The following CNTNAP5 variants were observed in gnomAD, a reference collection of about 807,000 sequenced individuals.
CNTNAP5 encodes the protein contactin associated protein family member 5.
A neutral mutation model predicts 150.2 loss-of-function variants in CNTNAP5; 72 were observed. The ratio of observed to expected loss-of-function variants is 0.48; its 90% CI spans 0.40 to 0.58. The LOEUF (loss-of-function observed/expected upper bound fraction) is 0.58. Ranked by LOEUF, CNTNAP5 falls within the 20% of genes least tolerant of loss-of-function variation. CNTNAP5 has a pLI of 0.00. For missense variants in CNTNAP5, 1,636 were observed against 1,626.2 expected, an observed-to-expected ratio of 1.01 and a Z score of -0.10; for synonymous variants, 672 against 619.8, an observed-to-expected ratio of 1.08 and a Z score of -1.25.
At chr2:124,419,934 T>TTCTTTCTTTCTTTCTC (rs1553466640) in intron 4 of CNTNAP5, among the ~76,000 whole-genome samples, 1 of 130,066 alleles carries the variant, frequency 7.7e-6, no homozygotes, top group Non-Finnish European at 1.6e-5. Context: ...CTTTCTTTCT[T>TTCTTTCTTTCTTTCTC]TCTTTCTTTC....
rs1381476697 is a variant in CNTNAP5 at position 124,671,710 on chromosome 2, G to C, written c.2077+23752G>C. On this transcript the variant is annotated intron_variant, in intron 13 of 23. Transcript: ENST00000682447. ...GCTGGAGTACAATGGTGCAATCTTG[G>C]CTCACTGCAACTTCTGCCTCCCAGG... 2.0e-5 allele frequency among the ~76,000 whole-genome samples: 3 copies of C among 152,076 alleles called. No homozygotes were observed. The East Asian group carries it at 5.8e-4, about 29-fold the overall frequency.
chr2:124,633,420 T>C (rs941923829), intron 12 of CNTNAP5, among the ~76,000 whole-genome samples: 1 of 152,150 alleles, frequency 6.6e-6, no homozygotes, highest in Admixed American at 6.5e-5. Flanking sequence ...ACCTTAAAGC[T>C]CCAAAATAAT....
intron 10 of CNTNAP5, among the ~76,000 whole-genome samples, chr2:124,557,345 AG>A (rs527315580): frequency 7.5e-4 from 114 of 152,056 alleles, no homozygotes; most frequent in African/African-American, 2.7e-3. Flanking sequence ...AAAACACAAA[AG>A]TGAGGCTCCT....
intron 17 of CNTNAP5, among the ~76,000 whole-genome samples, chr2:124,783,128 A>C (rs981548632): frequency 2.6e-5 from 4 of 152,160 alleles, no homozygotes; most frequent in Non-Finnish European, 5.9e-5. Context: ...ACTGGAGGGA[A>C]GCTTCTGGCG....
chr2:124,662,405 A>G (rs988220353), intron 13 of CNTNAP5, among the ~76,000 whole-genome samples: 2 of 152,170 alleles, frequency 1.3e-5, no homozygotes, highest in Admixed American at 6.5e-5. Flanking sequence ...AATCAGCTCC[A>G]TTATAATCTT....
chr2:124,907,366 A>G (rs552870512), intron 22 of CNTNAP5, among the ~76,000 whole-genome samples: 2 of 152,016 alleles, frequency 1.3e-5, no homozygotes, highest in East Asian at 3.9e-4. Flanking sequence ...TTCTTATGGA[A>G]TGTTAGCTCT....
intron 12 of CNTNAP5, among the ~76,000 whole-genome samples, chr2:124,620,247 G>A (rs541127136): frequency 3.3e-5 from 5 of 152,016 alleles, no homozygotes; most frequent in Admixed American, 6.6e-5. Flanking sequence ...TATCTTTCCC[G>A]TTTTTTTCTT....
intron 1 of CNTNAP5, among the ~76,000 whole-genome samples, chr2:124,178,000 C>G (rs1021514301): frequency 6.6e-6 from 1 of 152,026 alleles, no homozygotes; most frequent in African/African-American, 2.4e-5. Context: ...GCACCCACAA[C>G]CACGCCTAGC....
intron 1 of CNTNAP5, among the ~76,000 whole-genome samples, chr2:124,211,130 G>C (rs1685999503): frequency 6.6e-6 from 1 of 152,032 alleles, no homozygotes; most frequent in Admixed American, 6.6e-5. Context: ...CACAGCTCTT[G>C]GTACAGAATT....
chr2:124,148,118 T>C (rs1183579388), intron 1 of CNTNAP5, among the ~76,000 whole-genome samples: 1 of 152,120 alleles, frequency 6.6e-6, no homozygotes, highest in Non-Finnish European at 1.5e-5. Flanking sequence ...TAAGCTACTT[T>C]ATTATATTTT....
chr2:124,341,890 T>C (rs887143525), intron 3 of CNTNAP5, among the ~76,000 whole-genome samples: 1 of 152,132 alleles, frequency 6.6e-6, no homozygotes, highest in African/African-American at 2.4e-5. Flanking sequence ...TTTTGTCTTG[T>C]AGGGCTTCAG....
chr2:124,124,297 G>A (rs1683634477), intron 1 of CNTNAP5, among the ~76,000 whole-genome samples: 1 of 152,154 alleles, frequency 6.6e-6, no homozygotes, highest in Middle Eastern at 3.2e-3. Flanking sequence ...TGATCAAGTG[G>A]AAGAAAGGGT....
At chr2:124,489,769 G>A (rs1693974923) in intron 7 of CNTNAP5, among the ~76,000 whole-genome samples, 1 of 152,104 alleles carries the variant, frequency 6.6e-6, no homozygotes, top group Non-Finnish European at 1.5e-5. Context: ...GGCTGCTGGA[G>A]CTTGAGGTAT....
chr2:124,785,041 G>GAAAAAAAAAA (rs67254743), intron 17 of CNTNAP5, among the ~76,000 whole-genome samples: 3 of 123,514 alleles, frequency 2.4e-5, no homozygotes, highest in Non-Finnish European at 5.0e-5. Context: ...TTAAGGCTGA[G>GAAAAAAAAAA]AAAAAAAAAA....
chr2:124,851,895 G>A (rs151099779), intron 19 of CNTNAP5, among the ~76,000 whole-genome samples: 8 of 152,308 alleles, frequency 5.3e-5, no homozygotes, highest in Non-Finnish European at 7.3e-5. Context: ...AGGGTAAGCA[G>A]GCATTGTTCG....
chr2:124,122,759 G>GAC (rs66540981), intron 1 of CNTNAP5, among the ~76,000 whole-genome samples: 3,076 of 127,714 alleles, frequency 0.024, 75 homozygotes, highest in African/African-American at 0.074. Context: ...GGTGGTAAAA[G>GAC]ACACACACAC....
intron 7 of CNTNAP5, among the ~76,000 whole-genome samples, chr2:124,500,040 G>A (rs1694240782): frequency 1.3e-5 from 2 of 151,666 alleles, no homozygotes; most frequent in Non-Finnish European, 2.9e-5. Flanking sequence ...TTTCTTGATG[G>A]AGCCAAGAGG....
At chr2:124,390,249 G>GC (rs1691076092) in intron 3 of CNTNAP5, among the ~76,000 whole-genome samples, 1 of 152,068 alleles carries the variant, frequency 6.6e-6, no homozygotes, top group Non-Finnish European at 1.5e-5. Flanking sequence ...TTTTCTTTGT[G>GC]ATTTTGATTT....
intron 1 of CNTNAP5, among the ~76,000 whole-genome samples, chr2:124,182,213 C>T (rs986403021): frequency 6.6e-6 from 1 of 152,000 alleles, no homozygotes; most frequent in Non-Finnish European, 1.5e-5. Flanking sequence ...TATATGTGTC[C>T]GTTCCTTATT....
Sources: gnomAD v4.1 joint callset for allele counts (sites outside exome capture counted in the v4.1 genomes callset) on GRCh38, gnomAD v4.1.1 for gene constraint, MANE v1.5 for transcripts, NCBI Gene and HGNC (gene_info 2026-07-23, HGNC 2026-07-21) for gene names.